DAB1: variants seen among roughly 807,000 people sequenced by gnomAD.
DAB1 encodes the protein DAB adaptor protein 1, also known as disabled homolog 1.
In DAB1, 15 loss-of-function variants were observed where a neutral mutation model predicts 64.6. The observed-to-expected ratio is 0.23, with a 90% CI of 0.16 to 0.36. The LOEUF is 0.36. Among genes scored for constraint, DAB1 ranks in the 10% least tolerant of loss-of-function variants. The pLI is 1.00. For missense variants in DAB1, 596 were observed against 706.7 expected (o/e 0.84, Z 1.78); for synonymous variants, 235 against 251.9 (o/e 0.93, Z 0.64).
intron 5 of DAB1, among the ~76,000 whole-genome samples, chr1:57,889,952 C>T (rs1439108342): frequency 1.3e-5 from 2 of 148,256 alleles, no homozygotes; most frequent in African/African-American, 5.0e-5. Flanking sequence ...TTCTGATTGG[C>T]TGATGATCAT....
At chr1:58,127,423 G>A (rs1653187942) in intron 5 of DAB1, among the ~76,000 whole-genome samples, 1 of 151,014 alleles carries the variant, frequency 6.6e-6, no homozygotes, top group Non-Finnish European at 1.5e-5. Context: ...TGTTCACTCT[G>A]ATGGTAGTTT....
chr1:57,858,197 G>A (rs890279085), intron 1 of DAB1, among the ~76,000 whole-genome samples: 1 of 152,090 alleles, frequency 6.6e-6, no homozygotes, highest in African/African-American at 2.4e-5. Flanking sequence ...CATTTGGAAG[G>A]GTATTTTTTT....
At position 58,035,100 on chromosome 1, in the gene DAB1, C is replaced by A. The variant is rs557032309; in HGVS notation, n.387+115411G>T. On this transcript the variant is annotated intron_variant and non_coding_transcript_variant, in intron 5 of 20. Coordinates refer to the DAB1 transcript ENST00000485760. ...CTGATCACCTGCTGAAGAGAAAGCC[C>A]ATGTGGAGAGAAACGGGCTGCTGGA... is the stretch of plus-strand genomic sequence containing the variant. Among the ~76,000 whole-genome samples the A allele has an allele frequency of 2.0e-5, 3 of 152,230 alleles. No individual in the cohort carries two copies. The East Asian group carries it at 5.8e-4, about 29-fold the overall frequency.
intron 4 of DAB1, among the ~76,000 whole-genome samples, chr1:58,214,032 C>T (rs1440812754): frequency 6.6e-6 from 1 of 152,132 alleles, no homozygotes; most frequent in Non-Finnish European, 1.5e-5. Flanking sequence ...AAACATGTCA[C>T]CCTCCAGGTT....
intron 6 of DAB1, among the ~76,000 whole-genome samples, chr1:57,792,909 C>A (rs1037510738): frequency 6.6e-6 from 1 of 152,182 alleles, no homozygotes; most frequent in African/African-American, 2.4e-5. Context: ...GAACCATTAA[C>A]CCTGTGATCT....
Position 57,380,523 on chromosome 1 carries a change from G to A in DAB1, c.-137+43407C>T, listed in dbSNP as rs941540974. Among the ~76,000 whole-genome samples, 8 of 152,134 alleles carry A rather than the reference G, an allele frequency of 5.3e-5. No individual in the cohort carries two copies. The East Asian group carries it at 7.7e-4, about 15-fold the overall frequency. On this transcript the variant is annotated intron_variant, in intron 1 of 14. Transcript: ENST00000371236. ...CAGTTTGGATAATTCAGCTTAGGAC[G>A]AAGCCTGGAACATAGTGACAATGAT...
At position 58,297,362 on chromosome 1, in the gene DAB1, T is replaced by TG. The variant is rs1403587057; in HGVS notation, n.309+45989dup. On this transcript the variant is annotated intron_variant and non_coding_transcript_variant, in intron 4 of 20. Transcript: ENST00000485760. ...TGTACATAAGGCCCTATAGGTGTAA[T>TG]GATGAGTATAAATATCCCCTGCCCT... 7.9e-5 allele frequency among the ~76,000 whole-genome samples: 12 copies of TG among 152,258 alleles called. No individual in the cohort carries two copies. In the East Asian group the frequency reaches 2.3e-3, roughly 29 times the overall value.
intron 5 of DAB1, among the ~76,000 whole-genome samples, chr1:58,067,495 A>T (rs1480858333): frequency 2.0e-5 from 3 of 152,252 alleles, no homozygotes. Context: ...CACAGATTCC[A>T]GGAACTAGCA....
intron 7 of DAB1, among the ~76,000 whole-genome samples, chr1:57,507,095 G>T (rs927461196): frequency 6.6e-6 from 1 of 152,076 alleles, no homozygotes. Flanking sequence ...GCTAAAAAAC[G>T]TAATGGCTCC....
At chr1:57,919,117 G>A (rs187684570) in intron 5 of DAB1, among the ~76,000 whole-genome samples, 67 of 152,270 alleles carry the variant, frequency 4.4e-4, no homozygotes, top group Non-Finnish European at 7.6e-4. Context: ...ATGTGTCCCT[G>A]GAATATGCCC....
intron 1 of DAB1, among the ~76,000 whole-genome samples, chr1:57,295,185 A>T (rs1044225225): frequency 6.6e-6 from 1 of 152,118 alleles, no homozygotes; most frequent in Non-Finnish European, 1.5e-5. Context: ...GACTATAATA[A>T]ATACCACTTT....
chr1:57,894,584 T>C (rs1347157612), intron 5 of DAB1, among the ~76,000 whole-genome samples: 1 of 152,118 alleles, frequency 6.6e-6, no homozygotes, highest in Non-Finnish European at 1.5e-5. Context: ...GCTTGACACA[T>C]GGTGTGAGGT....
At chr1:57,774,771 T>C (rs1649715624) in intron 6 of DAB1, among the ~76,000 whole-genome samples, 1 of 151,774 alleles carries the variant, frequency 6.6e-6, no homozygotes, top group African/African-American at 2.4e-5. Flanking sequence ...GGCCAGAATG[T>C]ATTGCTCTTT....
intron 4 of DAB1, among the ~76,000 whole-genome samples, chr1:58,204,720 C>A (rs74077928): frequency 0.19 from 28,778 of 152,134 alleles, 2,915 homozygotes; most frequent in East Asian, 0.37. Context: ...AATTCCCACG[C>A]ATAAACTTCC....
rs141507755 is a variant in DAB1 at position 57,090,780 on chromosome 1, G to A, written c.307-18366C>T. Among the ~76,000 whole-genome samples the A allele has an allele frequency of 1.6e-4, 24 of 152,082 alleles. No individual in the cohort carries two copies. The East Asian group carries it at 1.9e-3, about 12-fold the overall frequency. On this transcript the variant is annotated intron_variant, in intron 4 of 14. Transcript: ENST00000371236. ...TCTAAAACAGAGGTCCCCAACCCCC[G>A]GACCATGGCCAGGTACCAATCTGTG...
intron 7 of DAB1, among the ~76,000 whole-genome samples, chr1:57,446,879 T>G (rs1027101051): frequency 2.0e-5 from 3 of 152,188 alleles, no homozygotes; most frequent in Admixed American, 6.5e-5. Context: ...CTATGTAAGC[T>G]TATCCATTAT....
At position 57,067,064 on chromosome 1, in the gene DAB1, C is replaced by T. The variant is rs566982962; in HGVS notation, c.663+2296G>A. Among the ~76,000 whole-genome samples the T allele has an allele frequency of 2.0e-5, 3 of 152,238 alleles. No individual in the cohort carries two copies. The South Asian group carries it at 6.2e-4, about 32-fold the overall frequency. Reference sequence around the variant, plus strand: ...CAGCCCCTTAAAAGCCCAGCCTTATCTTCAGGCCCAAGAGCTTATCTCTTA... The same window carrying T: ...CAGCCCCTTAAAAGCCCAGCCTTATTTTCAGGCCCAAGAGCTTATCTCTTA... On this transcript the variant is annotated intron_variant, in intron 8 of 14. Coordinates refer to ENST00000371236, the MANE Select transcript of DAB1 (RefSeq NM_001365792.1).
chr1:57,606,048 T>TG (rs56970836), intron 7 of DAB1: 119,115 of 607,010 alleles, frequency 0.2, 14,380 homozygotes, highest in African/African-American at 0.45. Context: ...GTATTCAAAC[T>TG]GGTCCTTTCC....
At chr1:58,053,789 T>C (rs1170223403) in intron 5 of DAB1, among the ~76,000 whole-genome samples, 2 of 152,212 alleles carry the variant, frequency 1.3e-5, no homozygotes, top group African/African-American at 2.4e-5. Flanking sequence ...CCAATCTGTA[T>C]ACTTACATTT....
Sources: allele counts gnomAD v4.1 joint callset (sites outside exome capture counted in the v4.1 genomes callset), GRCh38; gene constraint gnomAD v4.1.1; transcripts MANE v1.5; gene names NCBI Gene and HGNC (gene_info 2026-07-23, HGNC 2026-07-21).